The following CPNE4 variants were observed in gnomAD, a reference collection of about 807,000 sequenced individuals.
The protein encoded by CPNE4 is copine 4.
In CPNE4, 25 loss-of-function variants were observed where a neutral mutation model predicts 67.9. The observed-to-expected ratio is 0.37, with a 90% confidence interval of 0.27 to 0.51. CPNE4 has a LOEUF of 0.51. CPNE4 is among the 20% of genes least tolerant of loss of function. CPNE4 has a pLI of 0.93. For missense variants in CPNE4, 464 were observed against 690.8 expected, an observed-to-expected ratio of 0.67 and a Z score of 3.68; for synonymous variants, 242 against 244.9, an observed-to-expected ratio of 0.99 and a Z score of 0.11.
chr3:131,631,122 C>CT (rs913113129), intron 7 of CPNE4, among the ~76,000 whole-genome samples: 2 of 152,150 alleles, frequency 1.3e-5, no homozygotes, highest in African/African-American at 4.8e-5. Flanking sequence ...TTTCAGATAT[C>CT]TTTTTTCTCA....
chr3:131,701,457 T>A (rs189473041), intron 3 of CPNE4, among the ~76,000 whole-genome samples: 15 of 152,336 alleles, frequency 9.8e-5, no homozygotes, highest in Non-Finnish European at 2.2e-4. Flanking sequence ...GGGATATCAC[T>A]TCTGAGAATA....
chr3:131,805,894 G>A (rs77614250), intron 2 of CPNE4, among the ~76,000 whole-genome samples: 2,159 of 152,290 alleles, frequency 0.014, 43 homozygotes, highest in African/African-American at 0.049. Flanking sequence ...TATGAATGTG[G>A]AAAGGTCACA....
chr3:131,545,706 T>C lies in CPNE4; in HGVS notation c.1303-2913A>G, dbSNP rs1935793511. ...GTCTCCATCTTCCTTTTAAAAAATA[T>C]TTTGCTAACTGCATTTCAATATAAT... is the stretch of plus-strand genomic sequence containing the variant. On this transcript the variant is annotated intron_variant, in intron 14 of 15. Transcript: ENST00000429747. Among the ~76,000 whole-genome samples, 4 of 152,324 alleles carry C rather than the reference T, an allele frequency of 2.6e-5. No homozygotes were observed. The South Asian group carries it at 8.3e-4, about 32-fold the overall frequency.
chr3:131,917,463 A>C (rs567776740), intron 1 of CPNE4, among the ~76,000 whole-genome samples: 1 of 152,214 alleles, frequency 6.6e-6, no homozygotes, highest in South Asian at 2.1e-4. Context: ...CATTTGAGTG[A>C]TGCTTTGGGG....
chr3:131,939,236 A>C (rs1273401240), intron 1 of CPNE4, among the ~76,000 whole-genome samples: 1 of 152,194 alleles, frequency 6.6e-6, no homozygotes, highest in East Asian at 1.9e-4. Context: ...ATAAGGTAAT[A>C]GTATATCCAA....
intron 6 of CPNE4, among the ~76,000 whole-genome samples, chr3:131,674,216 T>G: frequency 6.6e-6 from 1 of 152,168 alleles, no homozygotes; most frequent in East Asian, 1.9e-4. Flanking sequence ...TTAAGTTTGC[T>G]AGGATTTCAA....
At chr3:131,893,422 C>T (rs2088195434) in intron 2 of CPNE4, among the ~76,000 whole-genome samples, 1 of 151,928 alleles carries the variant, frequency 6.6e-6, no homozygotes, top group Admixed American at 6.6e-5. Flanking sequence ...GTCATCGAGA[C>T]AAACAATTTG....
At chr3:131,843,921 C>T (rs1274011056) in intron 2 of CPNE4, among the ~76,000 whole-genome samples, 7 of 152,156 alleles carry the variant, frequency 4.6e-5, no homozygotes, top group Admixed American at 4.6e-4. Flanking sequence ...TGGATTTCTT[C>T]TCCCTGACTT....
At chr3:132,035,022 A>T (rs1334600104), upstream of CPNE4, 1 of 985,396 alleles carries the variant, frequency 1.0e-6, no homozygotes, top group Non-Finnish European at 1.2e-6. Context: ...GACGAATCCC[A>T]TGCACCCAGC....
At chr3:131,747,135 CTTG>C (rs2082510737) in intron 2 of CPNE4, among the ~76,000 whole-genome samples, 1 of 121,702 alleles carries the variant, frequency 8.2e-6, no homozygotes, top group Non-Finnish European at 1.7e-5. Flanking sequence ...TTTTTTTTCT[CTTG>C]TTGTTGAGTT....
At chr3:131,548,269 G>A (rs1935982304) in intron 14 of CPNE4, among the ~76,000 whole-genome samples, 2 of 152,198 alleles carry the variant, frequency 1.3e-5, no homozygotes. Flanking sequence ...AAAGTAGAGT[G>A]GCTTTATATG....
At chr3:131,633,935 T>C (rs1020075430) in intron 7 of CPNE4, among the ~76,000 whole-genome samples, 2 of 152,166 alleles carry the variant, frequency 1.3e-5, no homozygotes, top group Admixed American at 1.3e-4. Context: ...TCTACTATTG[T>C]TGTTACTACT....
chr3:131,619,261 G>A (rs578090095), intron 7 of CPNE4, among the ~76,000 whole-genome samples: 1 of 152,322 alleles, frequency 6.6e-6, no homozygotes, highest in African/African-American at 2.4e-5. Flanking sequence ...AGGAAGCTGT[G>A]TAGCAGGGAG....
chr3:131,613,850 C>A (rs1939985215), intron 7 of CPNE4, among the ~76,000 whole-genome samples: 1 of 152,176 alleles, frequency 6.6e-6, no homozygotes, highest in South Asian at 2.1e-4. Flanking sequence ...CCAATTCATC[C>A]TTTGGCCCTG....
chr3:131,997,300 C>A (rs2073318385), intron 1 of CPNE4, among the ~76,000 whole-genome samples: 1 of 152,096 alleles, frequency 6.6e-6, no homozygotes, highest in Non-Finnish European at 1.5e-5. Context: ...AGCTTCAGCC[C>A]AAATAGTTCC....
At chr3:131,619,247 T>G (rs1940332157) in intron 7 of CPNE4, among the ~76,000 whole-genome samples, 1 of 152,172 alleles carries the variant, frequency 6.6e-6, no homozygotes, top group South Asian at 2.1e-4. Context: ...TTCTTGTGAA[T>G]GAGAGGAAGC....
intron 2 of CPNE4, among the ~76,000 whole-genome samples, chr3:131,829,660 C>A (rs1295637296): frequency 6.6e-6 from 1 of 152,160 alleles, no homozygotes; most frequent in Non-Finnish European, 1.5e-5. Context: ...AATCAAGGAG[C>A]AAAGACCCCA....
chr3:131,669,683 G>A lies in CPNE4; in HGVS notation c.673C>T (p.Arg225Trp), dbSNP rs774900370. ...NSLCSGDPDR[R>W]LKCIVWDWDS... Reference sequence around the variant, plus strand: ...GGACACAGATTTCTGACCTTTAGCCGGCGGTCTGGGTCTCCGCTGCATAGA... The same window carrying A: ...GGACACAGATTTCTGACCTTTAGCCAGCGGTCTGGGTCTCCGCTGCATAGA... Residue 225 changes from arginine to tryptophan, a missense_variant, in exon 7 of 16, where the codon CGG (arginine) becomes TGG (tryptophan). This residue lies in a region of CPNE4 where 58 missense variants were observed against 63.5 expected (regional missense o/e 0.91). Coordinates refer to ENST00000429747, the MANE Select transcript of CPNE4 (RefSeq NM_130808.3). 31 of 1,609,602 alleles carry A rather than the reference G, an allele frequency of 1.9e-5. No homozygotes were observed. In the East Asian group the frequency reaches 3.1e-4, roughly 16 times the overall value.
chr3:131,993,935 A>G (rs139058971), intron 1 of CPNE4, among the ~76,000 whole-genome samples: 1 of 136,428 alleles, frequency 7.3e-6, no homozygotes, highest in East Asian at 2.3e-4. Context: ...CTAGAAGTCT[A>G]CAAAAAGGCC....
Sources: gnomAD v4.1 joint callset for allele counts (sites outside exome capture counted in the v4.1 genomes callset) on GRCh38, gnomAD v4.1.1 for gene constraint, gnomAD v4.1.1 regional missense constraint, MANE v1.5 for transcripts, NCBI Gene and HGNC (gene_info 2026-07-23, HGNC 2026-07-21) for gene names.